Variants in ABCG5 observed in about 807,000 individuals in gnomAD.
The protein encoded by ABCG5 is ATP-binding cassette sub-family G member 5.
Under a neutral mutation model 64.5 loss-of-function variants are expected in ABCG5, and 64 were observed. The observed-to-expected ratio is 0.99, with a 90% CI of 0.81 to 1.22. The LOEUF (loss-of-function observed/expected upper bound fraction) is 1.22. ABCG5 is among the 50% of genes most tolerant of loss of function. The pLI, the probability that ABCG5 is intolerant of heterozygous loss-of-function variation, is 0.00. For synonymous variants in ABCG5, 385 were observed against 326.3 expected (o/e 1.18, Z -1.94); for missense variants, 908 against 829.5 (o/e 1.09, Z -1.16).
chr2:43,838,783 G>C lies in ABCG5; in HGVS notation c.-104C>G. The C allele has an allele frequency of 6.4e-7, 1 of 1,554,698 alleles. No individual in the cohort carries two copies. The highest frequency in any genetic ancestry group is 1.7e-4 in the Middle Eastern group (1 of 5,848). ...GCAGACTGCCCTGCCTGCTCCACCT[G>C]ACCCCGGAGTCCCTTGGGACAGCAG... On this transcript the variant is annotated 5_prime_UTR_variant, in exon 1 of 13. Transcript: ENST00000405322. This position sits in a 1 kb window ranked among gnomAD's most constrained non-coding sequence, Gnocchi z 4.2.
intron 10 of ABCG5, 54 bp downstream of exon 10, chr2:43,822,743 T>C (rs1006081483): frequency 1.8e-4 from 285 of 1,612,730 alleles, no homozygotes; most frequent in Non-Finnish European, 2.3e-4. Flanking sequence ...CGAGTCCCAC[T>C]AGCTCCATGA....
intron 11 of ABCG5, among the ~76,000 whole-genome samples, chr2:43,819,020 C>G (rs891352301): frequency 2.0e-5 from 3 of 152,190 alleles, no homozygotes; most frequent in South Asian, 2.1e-4. Context: ...AAAGTCAAGT[C>G]TGAGCTTCAT....
downstream of ABCG5, among the ~76,000 whole-genome samples, chr2:43,809,006 T>C (rs570427303): frequency 3.3e-4 from 50 of 150,794 alleles, no homozygotes; most frequent in African/African-American, 1.2e-3. Flanking sequence ...CACACTTTTT[T>C]GTGACAGGAT....
intron 2 of ABCG5, among the ~76,000 whole-genome samples, chr2:43,834,035 A>G (rs1668110828): frequency 6.6e-6 from 1 of 152,236 alleles, no homozygotes; most frequent in Non-Finnish European, 1.5e-5. Context: ...AGGTACAAAG[A>G]TGAATCAACT....
In ABCG5 at chr2:43,837,821, T is replaced by C. The variant is rs911042257; in HGVS notation, c.265+13A>G. The C allele has an allele frequency of 4.3e-6, 7 of 1,613,624 alleles. No individual in the cohort carries two copies. The highest frequency in any genetic ancestry group is 4.0e-5 in the African/African-American group (3 of 74,938). On this transcript the variant is annotated intron_variant, in intron 2 of 12. Transcript: ENST00000405322. ...AGCCAAATCCTTTTTAGAATCCTCC[T>C]TCCCAAGCTTACCTGAGCTTCCTAG...
At chr2:43,830,202 T>A (rs1410337372) in intron 4 of ABCG5, among the ~76,000 whole-genome samples, 2 of 152,140 alleles carry the variant, frequency 1.3e-5, no homozygotes, top group African/African-American at 4.8e-5. Context: ...GCAGGAATGC[T>A]CTCCCACATT....
rs17031651 is a variant in ABCG5, at chr2:43,813,423, G to C, written c.1763-114C>G. 7,577 of 767,204 alleles carry C rather than the reference G, an allele frequency of 9.9e-3. 149 individuals are homozygous for C. The highest frequency in any genetic ancestry group is 0.062 in the African/African-American group (3,610 of 58,228). The allele number at this position is 767,204 out of a possible 1,614,324, so 47.5% of individuals were successfully genotyped here. A position where few individuals can be genotyped will look rare whatever the true frequency, so the allele number is the denominator to read the frequency against. ...TTAATGAAAAATACAGGACACTTTAGCAAGCCCAGAGTTTACAATTTGATG... is the reference window on the plus strand; with the variant it reads ...TTAATGAAAAATACAGGACACTTTACCAAGCCCAGAGTTTACAATTTGATG... On this transcript the variant is annotated intron_variant, in intron 12 of 12. Transcript: ENST00000405322.
chr2:43,832,302 C>T (rs1667999358), intron 2 of ABCG5: 2 of 627,078 alleles, frequency 3.2e-6, no homozygotes, highest in Admixed American at 5.6e-5. Flanking sequence ...CTGGATTGTC[C>T]CCTGAGTGAG....
intron 4 of ABCG5, among the ~76,000 whole-genome samples, chr2:43,831,512 C>G (rs1224294272): frequency 6.6e-6 from 1 of 152,180 alleles, no homozygotes; most frequent in African/African-American, 2.4e-5. Context: ...CTGTTTTCCT[C>G]AGACTAAGAG....
At chr2:43,819,600 A>G (rs936264765) in intron 11 of ABCG5, among the ~76,000 whole-genome samples, 6 of 152,064 alleles carry the variant, frequency 3.9e-5, no homozygotes, top group African/African-American at 1.4e-4. Context: ...TATTTAGCCT[A>G]TCATGTGGGC....
chr2:43,809,924 T>C (rs185237924), downstream of ABCG5: 3,704 of 1,365,596 alleles, frequency 2.7e-3, 15 homozygotes, highest in Non-Finnish European at 2.6e-3. Flanking sequence ...TCCCTGTATA[T>C]CTTGAAGCTT....
In ABCG5 at chr2:43,829,635, C is replaced by G. The variant is rs547148751; in HGVS notation, c.502-1520G>C. Among the ~76,000 whole-genome samples, 15 of 152,334 alleles carry G rather than the reference C, an allele frequency of 9.8e-5. No homozygotes were observed. The South Asian group carries it at 3.1e-3, about 32-fold the overall frequency. On this transcript the variant is annotated intron_variant, in intron 4 of 12. Transcript: ENST00000405322. ...CAGAGACCTGTTCACAAATCTGTTT[C>G]TGTCCCCCTGTACTGATTACCTCTA...
intron 4 of ABCG5, 51 bp downstream of exon 4, chr2:43,831,718 G>C: frequency 2.0e-6 from 3 of 1,497,626 alleles, no homozygotes; most frequent in South Asian, 2.4e-5. Flanking sequence ...AGGGCAGCGG[G>C]GGGTGCAAAG....
At position 43,823,902 on chromosome 2, in the gene ABCG5, T is replaced by G; in HGVS notation, c.1324+11A>C. 1 of 1,612,960 alleles carries G rather than the reference T, an allele frequency of 6.2e-7. No homozygotes were observed. The highest frequency in any genetic ancestry group is 1.1e-5 in the South Asian group (1 of 91,038). ...GAGAAAGAGGTGCACCTCCAGCACGTGGGCACTTACACAGATTCACAGCGT... is the reference window on the plus strand; with the variant it reads ...GAGAAAGAGGTGCACCTCCAGCACGGGGGCACTTACACAGATTCACAGCGT... On this transcript the variant is annotated intron_variant, in intron 9 of 12. Transcript: ENST00000405322.
intron 11 of ABCG5, among the ~76,000 whole-genome samples, chr2:43,817,375 T>G (rs1666903480): frequency 6.6e-6 from 1 of 151,722 alleles, no homozygotes; most frequent in Non-Finnish European, 1.5e-5. Context: ...ATCCCAGCTA[T>G]TCAGGAGGCT....
At chr2:43,822,067 C>G (rs1186677111) in intron 10 of ABCG5, among the ~76,000 whole-genome samples, 1 of 152,104 alleles carries the variant, frequency 6.6e-6, no homozygotes, top group Admixed American at 6.6e-5. Context: ...TTTACCACAT[C>G]CTAAAATAAC....
intron 11 of ABCG5, among the ~76,000 whole-genome samples, chr2:43,815,292 G>A (rs4148192): frequency 0.43 from 65,589 of 152,038 alleles, 15,873 homozygotes; most frequent in African/African-American, 0.65. Context: ...CAATCAAAAG[G>A]TATAAAATTC....
chr2:43,835,631 G>A (rs1376277471), intron 2 of ABCG5, among the ~76,000 whole-genome samples: 1 of 152,166 alleles, frequency 6.6e-6, no homozygotes, highest in Admixed American at 6.5e-5. Flanking sequence ...TCACACCCAA[G>A]ATTATGATAT....
intron 4 of ABCG5, 92 bp from the exon 5 acceptor site, chr2:43,828,207 C>A: frequency 6.3e-7 from 1 of 1,583,780 alleles, no homozygotes. Flanking sequence ...AGGCAGCACA[C>A]CGCCCAAGAA....
Sources: allele counts gnomAD v4.1 joint callset (sites outside exome capture counted in the v4.1 genomes callset), GRCh38; gene constraint gnomAD v4.1.1; non-coding constraint Gnocchi (gnomAD v3.1); transcripts MANE v1.5; gene names NCBI Gene and HGNC (gene_info 2026-07-23, HGNC 2026-07-21).